The following CSTPP1 variants were observed in gnomAD, a reference collection of about 807,000 sequenced individuals.
CSTPP1 encodes the protein centriolar satellite-associated tubulin polyglutamylase complex regulator 1.
the CSTPP1 span, among the ~76,000 whole-genome samples, chr11:46,962,132 C>T: frequency 6.6e-6 from 1 of 152,224 alleles, no homozygotes; most frequent in Non-Finnish European, 1.5e-5. Flanking sequence ...AGTTACCCCA[C>T]TGGGTCCCTT....
chr11:47,040,672 T>C, the CSTPP1 span, among the ~76,000 whole-genome samples: 12 of 126,618 alleles, frequency 9.5e-5, 4 homozygotes, highest in Non-Finnish European at 2.2e-4. Flanking sequence ...CCTGGCAACC[T>C]TCATCCAACC....
the CSTPP1 span, among the ~76,000 whole-genome samples, chr11:47,033,562 C>G: frequency 6.6e-6 from 1 of 152,210 alleles, no homozygotes; most frequent in African/African-American, 2.4e-5. Flanking sequence ...ACCCTTCCCC[C>G]ACCTTCTTTG....
chr11:47,163,468 G>A, the CSTPP1 span, among the ~76,000 whole-genome samples: 3 of 152,110 alleles, frequency 2.0e-5, no homozygotes, highest in South Asian at 2.1e-4. Context: ...CCACTTCCCA[G>A]ACCAGTGGTC....
chr11:47,002,425 C>T, the CSTPP1 span, among the ~76,000 whole-genome samples: 3 of 152,242 alleles, frequency 2.0e-5, no homozygotes, highest in Admixed American at 2.0e-4. Flanking sequence ...CAAGAAGTTG[C>T]CTGTTTTTGT....
chr11:47,014,968 C>T, the CSTPP1 span, among the ~76,000 whole-genome samples: 52 of 152,052 alleles, frequency 3.4e-4, no homozygotes, highest in Non-Finnish European at 5.1e-4. Context: ...AATCATGAGC[C>T]AGACTGATCA....
chr11:47,127,070 T>A, the CSTPP1 span, among the ~76,000 whole-genome samples: 4 of 152,090 alleles, frequency 2.6e-5, no homozygotes, highest in Non-Finnish European at 5.9e-5. Context: ...GCAGGTTGGG[T>A]TCCCAGAGAC....
chr11:46,962,295 A>T, the CSTPP1 span, among the ~76,000 whole-genome samples: 1 of 152,150 alleles, frequency 6.6e-6, no homozygotes, highest in Admixed American at 6.5e-5. Context: ...ATTGGTTTCT[A>T]TGTCTGCCTT....
the CSTPP1 span, among the ~76,000 whole-genome samples, chr11:47,074,615 A>T: frequency 6.6e-6 from 1 of 152,204 alleles, no homozygotes; most frequent in Non-Finnish European, 1.5e-5. Flanking sequence ...CAATGGAATC[A>T]GAATTCACTT....
At chr11:47,118,974 AC>A in the CSTPP1 span, among the ~76,000 whole-genome samples, 1 of 152,200 alleles carries the variant, frequency 6.6e-6, no homozygotes, top group South Asian at 2.1e-4. Context: ...TGCTGGGAGA[AC>A]CACTGCTCTC....
chr11:46,967,679 G>T, the CSTPP1 span, among the ~76,000 whole-genome samples: 1 of 151,890 alleles, frequency 6.6e-6, no homozygotes, highest in African/African-American at 2.4e-5. Context: ...CCGGCACATA[G>T]GAAGAACTCC....
At chr11:46,984,665 A>C in the CSTPP1 span, among the ~76,000 whole-genome samples, 2 of 151,846 alleles carry the variant, frequency 1.3e-5, no homozygotes, top group African/African-American at 4.8e-5. Context: ...CTTTCACATT[A>C]ACTTTGAGTC....
chr11:46,960,046 T>C, the CSTPP1 span, among the ~76,000 whole-genome samples: 1 of 152,136 alleles, frequency 6.6e-6, no homozygotes, highest in Non-Finnish European at 1.5e-5. Context: ...TTTGTATTTT[T>C]AGTAGAGACA....
At chr11:46,980,241 C>T in the CSTPP1 span, among the ~76,000 whole-genome samples, 1 of 152,076 alleles carries the variant, frequency 6.6e-6, no homozygotes, top group African/African-American at 2.4e-5. Context: ...GTTTTTCATC[C>T]TCTACTTAAC....
the CSTPP1 span, among the ~76,000 whole-genome samples, chr11:46,961,339 T>C: frequency 2.6e-5 from 4 of 152,218 alleles, no homozygotes; most frequent in Non-Finnish European, 5.9e-5. Flanking sequence ...TGTCTTTTCA[T>C]GTGTTTTTGG....
At chr11:46,986,628 C>G in the CSTPP1 span, among the ~76,000 whole-genome samples, 1 of 152,042 alleles carries the variant, frequency 6.6e-6, no homozygotes, top group Non-Finnish European at 1.5e-5. Context: ...GCCACTGCAT[C>G]TGGCTAATTT....
the CSTPP1 span, among the ~76,000 whole-genome samples, chr11:47,108,704 CTT>C: frequency 3.0e-3 from 358 of 118,364 alleles, no homozygotes; most frequent in African/African-American, 0.011. Context: ...GTACTATCTA[CTT>C]TTTTTTTTTT....
the CSTPP1 span, among the ~76,000 whole-genome samples, chr11:46,993,494 T>C: frequency 1.3e-5 from 2 of 152,140 alleles, no homozygotes; most frequent in Non-Finnish European, 2.9e-5. Context: ...TTTCTACATA[T>C]GGCTAGCCAG....
chr11:47,122,482 C>T, the CSTPP1 span, among the ~76,000 whole-genome samples: 16 of 152,074 alleles, frequency 1.1e-4, no homozygotes, highest in Admixed American at 9.8e-4. Context: ...TCCTGCCTGC[C>T]GGCCTGCCAT....
the CSTPP1 span, among the ~76,000 whole-genome samples, chr11:46,970,683 A>C: frequency 1.3e-5 from 2 of 152,124 alleles, no homozygotes; most frequent in African/African-American, 4.8e-5. Context: ...TAACACAGAT[A>C]AAAGGAAAAT....
Sources: gnomAD v4.1 joint callset for allele counts (sites outside exome capture counted in the v4.1 genomes callset) on GRCh38, gnomAD v4.1.1 for gene constraint, MANE v1.5 for transcripts, NCBI Gene and HGNC (gene_info 2026-07-23, HGNC 2026-07-21) for gene names.